Variants in SPECC1 observed in about 807,000 individuals in gnomAD.
SPECC1 encodes the protein cytospin-B.
In SPECC1, 62 loss-of-function variants were observed where a neutral mutation model predicts 104.1. The ratio of observed to expected loss-of-function variants is 0.60; its 90% CI spans 0.49 to 0.74. The LOEUF is 0.74. SPECC1 is among the 30% of genes least tolerant of loss of function. SPECC1 has a pLI of 0.00. For missense variants in SPECC1, 1,306 were observed against 1,310.5 expected (o/e 1.00, Z 0.05); for synonymous variants, 513 against 501.6 (o/e 1.02, Z -0.30).
chr17:20,225,925 C>A (rs975760211), intron 4 of SPECC1, among the ~76,000 whole-genome samples: 1 of 152,162 alleles, frequency 6.6e-6, no homozygotes, highest in Non-Finnish European at 1.5e-5. Flanking sequence ...TCCCAGTGTT[C>A]ATTCAATCAT....
chr17:20,291,212 G>C (rs1178378030), intron 12 of SPECC1, among the ~76,000 whole-genome samples: 1 of 152,112 alleles, frequency 6.6e-6, no homozygotes, highest in African/African-American at 2.4e-5. Context: ...TGACAAGAAG[G>C]AATCAAAGTT....
At chr17:20,111,106 G>A (rs1401284195) in intron 3 of SPECC1, among the ~76,000 whole-genome samples, 2 of 152,134 alleles carry the variant, frequency 1.3e-5, no homozygotes, top group East Asian at 3.9e-4. Context: ...CATTATATTT[G>A]AGTTCAGAGC....
At chr17:20,174,493 G>A (rs939517651) in intron 3 of SPECC1, among the ~76,000 whole-genome samples, 2 of 152,054 alleles carry the variant, frequency 1.3e-5, no homozygotes, top group African/African-American at 4.8e-5. Context: ...GTTGGGCAGA[G>A]GGAGAAGCTA....
chr17:20,214,436 G>T (rs1193111013), intron 4 of SPECC1, among the ~76,000 whole-genome samples: 2 of 152,242 alleles, frequency 1.3e-5, no homozygotes, highest in Admixed American at 1.3e-4. Context: ...CCACAGTTAG[G>T]TGAGAAAGAA....
chr17:20,201,310 AC>A (rs2036417968), intron 3 of SPECC1, among the ~76,000 whole-genome samples: 1 of 151,698 alleles, frequency 6.6e-6, no homozygotes, highest in African/African-American at 2.4e-5. Flanking sequence ...AAAAAAAAAA[AC>A]AAAAAAACGA....
intron 9 of SPECC1, 46 bp downstream of exon 9, chr17:20,247,365 TC>T: frequency 7.2e-7 from 1 of 1,390,934 alleles, no homozygotes; most frequent in South Asian, 1.2e-5. Context: ...TTGCTGTGTA[TC>T]CCTCTAGATG....
intron 12 of SPECC1, among the ~76,000 whole-genome samples, chr17:20,294,449 C>G (rs1384644814): frequency 6.6e-6 from 1 of 152,116 alleles, no homozygotes; most frequent in Non-Finnish European, 1.5e-5. Flanking sequence ...CCCTGAGAAG[C>G]CTCCTACATT....
At chr17:20,122,434 G>T (rs947516240) in intron 3 of SPECC1, among the ~76,000 whole-genome samples, 2 of 152,150 alleles carry the variant, frequency 1.3e-5, no homozygotes, top group Non-Finnish European at 2.9e-5. Flanking sequence ...GCTGCGTCTG[G>T]ATATATTCTG....
chr17:20,270,975 A>G (rs1198743355), intron 12 of SPECC1, among the ~76,000 whole-genome samples: 1 of 152,128 alleles, frequency 6.6e-6, no homozygotes, highest in East Asian at 1.9e-4. Flanking sequence ...TTAGTTATTT[A>G]TATCTTTCTT....
chr17:20,048,290 C>T lies in SPECC1; in HGVS notation c.-22+38866C>T, dbSNP rs574199067. ...CTGGGACTACAGGCACCTGCCACCA[C>T]GCCCGGCTAATTTTTTGTATTTTTA... is the stretch of plus-strand genomic sequence containing the variant. On this transcript the variant is annotated intron_variant, in intron 1 of 14. Transcript: ENST00000395527. Among the ~76,000 whole-genome samples, 6 of 152,028 alleles carry T rather than the reference C, an allele frequency of 3.9e-5. No homozygotes were observed. In the East Asian group the frequency reaches 7.8e-4, roughly 20 times the overall value.
Position 20,315,007 on chromosome 17 carries a change from C to A in SPECC1, c.*942C>A, listed in dbSNP as rs1226756844. 4.3e-6 allele frequency: 1 copy of A among 232,776 alleles called. No homozygotes were observed. Among genetic ancestry groups the A allele is most frequent in the Non-Finnish European group, 8.5e-6 (1 of 117,898 alleles). 14.4% of individuals were successfully genotyped at this position (232,776 alleles called of 1,614,324 possible). On this transcript the variant is annotated 3_prime_UTR_variant, in exon 15 of 15. Transcript: ENST00000395527. ...CTTTCACAGTAGGGAAACCGCAGTCCTCGTCACCTGCGCCTTTGTCCTCCC... is the reference window on the plus strand; with the variant it reads ...CTTTCACAGTAGGGAAACCGCAGTCATCGTCACCTGCGCCTTTGTCCTCCC...
intron 12 of SPECC1, among the ~76,000 whole-genome samples, chr17:20,267,913 T>C (rs2040271552): frequency 6.6e-6 from 1 of 152,146 alleles, no homozygotes; most frequent in South Asian, 2.1e-4. Flanking sequence ...GATCTTGGGC[T>C]GGAAGTCACT....
chr17:20,142,170 T>C (rs1207558169), intron 3 of SPECC1, among the ~76,000 whole-genome samples: 1 of 152,250 alleles, frequency 6.6e-6, no homozygotes, highest in Non-Finnish European at 1.5e-5. Context: ...TAAATTATTA[T>C]TTTGGTTAAT....
intron 10 of SPECC1, among the ~76,000 whole-genome samples, chr17:20,255,747 G>T (rs948354362): frequency 6.6e-6 from 1 of 152,096 alleles, no homozygotes; most frequent in South Asian, 2.1e-4. Context: ...AAAATTTTGT[G>T]GGGGGATAGA....
intron 4 of SPECC1, among the ~76,000 whole-genome samples, chr17:20,216,640 C>T (rs2037507778): frequency 6.6e-6 from 1 of 152,080 alleles, no homozygotes. Flanking sequence ...GCCTTGGGCA[C>T]CTGATGGAAA....
intron 5 of SPECC1, among the ~76,000 whole-genome samples, chr17:20,230,185 G>A (rs923319749): frequency 1.3e-5 from 2 of 152,218 alleles, no homozygotes; most frequent in Admixed American, 1.3e-4. Flanking sequence ...CCAGAGGCTT[G>A]CAGGAACCTA....
chr17:20,144,410 C>T (rs1486918015), intron 3 of SPECC1, among the ~76,000 whole-genome samples: 3 of 151,730 alleles, frequency 2.0e-5, no homozygotes, highest in Non-Finnish European at 4.4e-5. Flanking sequence ...AGGCTGGTCT[C>T]GAACTACTGA....
intron 7 of SPECC1, chr17:20,238,749 AT>A: frequency 9.6e-7 from 1 of 1,043,576 alleles, no homozygotes; most frequent in Non-Finnish European, 1.2e-6. Context: ...GTTTTCAAGT[AT>A]AAACAATAAG....
chr17:20,124,412 T>G (rs1165995841), intron 3 of SPECC1, among the ~76,000 whole-genome samples: 1 of 152,064 alleles, frequency 6.6e-6, no homozygotes, highest in Non-Finnish European at 1.5e-5. Flanking sequence ...GAAATGTTGA[T>G]TTCACTGTGA....
Sources: gnomAD v4.1 joint callset for allele counts (sites outside exome capture counted in the v4.1 genomes callset) on GRCh38, gnomAD v4.1.1 for gene constraint, MANE v1.5 for transcripts, NCBI Gene and HGNC (gene_info 2026-07-23, HGNC 2026-07-21) for gene names.